PPP3CC: variants seen among roughly 807,000 people sequenced by gnomAD.
The protein encoded by PPP3CC is protein phosphatase 3 catalytic subunit gamma, also known as serine/threonine-protein phosphatase 2B catalytic subunit gamma isoform.
PPP3CC carries 35 observed loss-of-function variants against 60.3 expected under a neutral mutation model. That is an observed-to-expected ratio of 0.58 (90% CI 0.44 to 0.77). The LOEUF (loss-of-function observed/expected upper bound fraction) is 0.77. PPP3CC is among the 30% of genes least tolerant of loss of function. PPP3CC has a pLI of 0.00. For missense variants in PPP3CC, 570 were observed against 628.9 expected (o/e 0.91, Z 1.00); for synonymous variants, 206 against 224.3 (o/e 0.92, Z 0.73).
intron 4 of PPP3CC, among the ~76,000 whole-genome samples, 165 bp downstream of exon 4, chr8:22,498,277 T>C (rs1838649630): frequency 6.6e-6 from 1 of 152,234 alleles, no homozygotes; most frequent in African/African-American, 2.4e-5. Context: ...AAACATTTAT[T>C]TTGAAAATAA....
chr8:22,497,921 A>C, intron 3 of PPP3CC, 80 bp from the exon 4 acceptor site: 1 of 871,116 alleles, frequency 1.1e-6, no homozygotes, highest in East Asian at 2.6e-5. Context: ...CCATTACAGC[A>C]AGTCATTTGA....
chr8:22,458,984 T>A (rs1393916572), intron 1 of PPP3CC, among the ~76,000 whole-genome samples: 2 of 152,236 alleles, frequency 1.3e-5, no homozygotes, highest in African/African-American at 4.8e-5. Flanking sequence ...GAATAAAATG[T>A]TTCATTGTTA....
intron 3 of PPP3CC, among the ~76,000 whole-genome samples, chr8:22,477,391 C>T (rs901825872): frequency 5.9e-5 from 9 of 151,606 alleles, no homozygotes; most frequent in Non-Finnish European, 1.0e-4. Context: ...GCAGGATAAT[C>T]ACTTGAACCT....
chr8:22,513,411 G>T lies in PPP3CC; in HGVS notation c.749G>T (p.Arg250Leu). 2 of 1,606,426 alleles carry T rather than the reference G, an allele frequency of 1.2e-6. No individual in the cohort carries two copies. The highest frequency in any genetic ancestry group is 1.7e-6 in the Non-Finnish European group (2 of 1,177,662). Reference sequence around the variant, plus strand: ...GAGCACTATACCCACAACACTGTCCGAGGGTGCTCTTATTTCTACAGGTAA... The same window carrying T: ...GAGCACTATACCCACAACACTGTCCTAGGGTGCTCTTATTTCTACAGGTAA... ...TLEHYTHNTVRGCSYFYSYPA... is the reference protein window; with the variant it reads ...TLEHYTHNTVLGCSYFYSYPA... Residue 250 changes from arginine to leucine, a missense_variant, in exon 6 of 14, where the codon CGA (arginine) becomes CTA (leucine). Transcript: ENST00000240139.
intron 6 of PPP3CC, among the ~76,000 whole-genome samples, 193 bp from the exon 7 acceptor site, chr8:22,522,298 A>G (rs1839429326): frequency 6.6e-6 from 1 of 152,074 alleles, no homozygotes; most frequent in Non-Finnish European, 1.5e-5. Context: ...TTCATGTTTG[A>G]TCTGTAGTGA....
intron 4 of PPP3CC, among the ~76,000 whole-genome samples, chr8:22,506,594 C>T (rs1170046142): frequency 6.6e-6 from 1 of 152,110 alleles, no homozygotes; most frequent in Non-Finnish European, 1.5e-5. Flanking sequence ...ATATTGGTTA[C>T]CTGCAGAGAG....
At position 22,540,673 on chromosome 8, in the gene PPP3CC, G is replaced by A; in HGVS notation, c.1410G>A (p.Leu470=). 6.2e-7 allele frequency: 1 copy of A among 1,614,062 alleles called. No homozygotes were observed. The highest frequency in any genetic ancestry group is 8.5e-7 in the Non-Finnish European group (1 of 1,180,010). The change falls in exon 14 of 14, where the codon CTG becomes CTA. Residue 470 remains leucine, a synonymous_variant. Transcript: ENST00000240139. ...GGAGTTTTGAAGAAGCGCGAGGTCT[G>A]GACCGAATTAATGAGCGAATGCCAC... The part of the protein sequence containing the change: ...KIRSFEEARG[L]DRINERMPPR...
chr8:22,519,899 G>C (rs896343524), intron 6 of PPP3CC, among the ~76,000 whole-genome samples: 10 of 149,068 alleles, frequency 6.7e-5, no homozygotes. Context: ...CAAGTGATCT[G>C]CCTTCCTCAG....
At chr8:22,490,956 T>C (rs1012153889) in intron 3 of PPP3CC, among the ~76,000 whole-genome samples, 7 of 152,204 alleles carry the variant, frequency 4.6e-5, no homozygotes, top group African/African-American at 1.7e-4. Context: ...TATAATCCTT[T>C]GGGTATATAT....
At chr8:22,467,840 G>T (rs907094757) in intron 1 of PPP3CC, among the ~76,000 whole-genome samples, 3 of 152,216 alleles carry the variant, frequency 2.0e-5, no homozygotes, top group African/African-American at 7.2e-5. Context: ...CCAGCAGATT[G>T]TGTGTCTGGT....
At chr8:22,531,397 T>C in intron 10 of PPP3CC, 2 of 1,407,464 alleles carry the variant, frequency 1.4e-6, no homozygotes, top group Non-Finnish European at 1.9e-6. Flanking sequence ...TTGGTTAGAC[T>C]TAAAATTGGT....
At chr8:22,516,466 T>C (rs779502326) in intron 6 of PPP3CC, among the ~76,000 whole-genome samples, 1 of 152,200 alleles carries the variant, frequency 6.6e-6, no homozygotes, top group Non-Finnish European at 1.5e-5. Flanking sequence ...CTTAATCCTG[T>C]AGATATATAA....
chr8:22,465,485 C>T (rs1396823383), intron 1 of PPP3CC, among the ~76,000 whole-genome samples: 2 of 152,102 alleles, frequency 1.3e-5, no homozygotes, highest in Non-Finnish European at 2.9e-5. Flanking sequence ...GCAGTAGTGT[C>T]GGGAGGTGGG....
intron 4 of PPP3CC, chr8:22,510,811 A>C (rs541436152): frequency 6.3e-6 from 2 of 317,810 alleles, no homozygotes; most frequent in African/African-American, 4.2e-5. Flanking sequence ...ACCACAAGCC[A>C]TGTTGCCTAA....
At chr8:22,459,233 C>T (rs1291026862) in intron 1 of PPP3CC, among the ~76,000 whole-genome samples, 1 of 152,168 alleles carries the variant, frequency 6.6e-6, no homozygotes, top group African/African-American at 2.4e-5. Context: ...CCACTGTGCC[C>T]AGACCATTTT....
chr8:22,532,675 A>G (rs1237517780), intron 11 of PPP3CC, among the ~76,000 whole-genome samples: 1 of 152,206 alleles, frequency 6.6e-6, no homozygotes, highest in Non-Finnish European at 1.5e-5. Flanking sequence ...TAAATGGGAT[A>G]CAATATGGGA....
intron 6 of PPP3CC, among the ~76,000 whole-genome samples, chr8:22,514,090 A>T (rs1164559606): frequency 7.9e-5 from 12 of 152,114 alleles, no homozygotes; most frequent in Non-Finnish European, 7.4e-5. Flanking sequence ...TGCTAAAAAT[A>T]AAAAAATTAG....
At chr8:22,445,027 C>T (rs1032643792) in intron 1 of PPP3CC, among the ~76,000 whole-genome samples, 23 of 152,210 alleles carry the variant, frequency 1.5e-4, no homozygotes, top group African/African-American at 5.5e-4. Flanking sequence ...TATTTTGTTA[C>T]TTTATGGCCA....
intron 10 of PPP3CC, among the ~76,000 whole-genome samples, chr8:22,529,577 G>A (rs146488795): frequency 1.3e-5 from 2 of 152,078 alleles, no homozygotes; most frequent in East Asian, 1.9e-4. Flanking sequence ...TTCACCTCCC[G>A]AGTTCAAGCG....
Sources: gnomAD v4.1 joint callset for allele counts (sites outside exome capture counted in the v4.1 genomes callset) on GRCh38, gnomAD v4.1.1 for gene constraint, MANE v1.5 for transcripts, NCBI Gene and HGNC (gene_info 2026-07-23, HGNC 2026-07-21) for gene names.